The following MTCH2 variants were observed in gnomAD, a reference collection of about 807,000 sequenced individuals.
MTCH2 encodes the protein mitochondrial carrier homolog 2.
In MTCH2, 25 loss-of-function variants were observed where a neutral mutation model predicts 50.6. That is an observed-to-expected ratio of 0.49 (90% CI 0.36 to 0.69). MTCH2 has a LOEUF of 0.69. MTCH2 is among the 30% of genes least tolerant of loss of function. The pLI, the probability that MTCH2 is intolerant of heterozygous loss-of-function variation, is 0.00. For synonymous variants in MTCH2, 106 were observed against 132.0 expected (o/e 0.80, Z 1.35); for missense variants, 273 against 384.4 (o/e 0.71, Z 2.42).
chr11:47,611,889 A>G, the MTCH2 span, among the ~76,000 whole-genome samples: 1 of 152,026 alleles, frequency 6.6e-6, no homozygotes, highest in African/African-American at 2.4e-5. Flanking sequence ...AGTACAGAGG[A>G]CTCTACTTAG....
chr11:47,642,068 C>T (rs2097314695), intron 1 of MTCH2, among the ~76,000 whole-genome samples: 1 of 152,142 alleles, frequency 6.6e-6, no homozygotes, highest in Non-Finnish European at 1.5e-5. Context: ...TGGTGGCGAC[C>T]GGCCAGGATC....
chr11:47,611,466 A>T, the MTCH2 span, among the ~76,000 whole-genome samples: 13,150 of 152,304 alleles, frequency 0.086, 716 homozygotes, highest in Non-Finnish European at 0.12. Context: ...CTGGCTCTTC[A>T]TGCTACTCTG....
At position 47,631,710 on chromosome 11, in the gene MTCH2, G is replaced by T. The variant is rs1221780860; in HGVS notation, c.371C>A (p.Thr124Lys). ...SSSFDHVIKETTREMIARSAA... is the reference protein window; with the variant it reads ...SSSFDHVIKEKTREMIARSAA... ...AGAACGAGCGATCATCTCTCGAGTT[G>T]TCTAGAAACAATCAACACACACTTC... The change falls in exon 6 of 13, where the codon ACA becomes AAA. Residue 124 changes from threonine to lysine, a missense_variant and splice_region_variant. Physicochemically the swap from Thr to Lys is moderately conservative, Grantham distance 78. Around this residue, in one of 2 missense-constraint regions of MTCH2, gnomAD observed 203 missense variants for 244.3 expected, o/e 0.83. Coordinates refer to ENST00000302503, the MANE Select transcript of MTCH2 (RefSeq NM_014342.4). 6.2e-7 allele frequency: 1 copy of T among 1,614,060 alleles called. No individual in the cohort carries two copies. The highest frequency in any genetic ancestry group is 8.5e-7 in the Non-Finnish European group (1 of 1,179,958).
intron 5 of MTCH2, among the ~76,000 whole-genome samples, chr11:47,632,244 T>C (rs2097303735): frequency 6.6e-6 from 1 of 152,204 alleles, no homozygotes; most frequent in African/African-American, 2.4e-5. Flanking sequence ...TTTTTCCTAG[T>C]TTATCTTTCT....
chr11:47,616,979 C>G (rs886378878), downstream of MTCH2, among the ~76,000 whole-genome samples: 2 of 152,120 alleles, frequency 1.3e-5, no homozygotes, highest in African/African-American at 4.8e-5. Flanking sequence ...CCATTGCGCC[C>G]GGTCGCATGT....
downstream of MTCH2, among the ~76,000 whole-genome samples, chr11:47,616,586 CA>C (rs1004354775): frequency 6.6e-6 from 1 of 152,070 alleles, no homozygotes; most frequent in Admixed American, 6.6e-5. Flanking sequence ...CTCAGCCTCC[CA>C]AAGTGTTAGG....
At chr11:47,605,568 T>C in the MTCH2 span, among the ~76,000 whole-genome samples, 1 of 152,176 alleles carries the variant, frequency 6.6e-6, no homozygotes, top group African/African-American at 2.4e-5. Context: ...TTCTGCAAAT[T>C]TGGCAAGTGT....
rs1041127484 is a variant in MTCH2 at position 47,618,048 on chromosome 11, A to G, written c.*785T>C. ...GTTACTCCTGCAGGATCTGCTTTTC[A>G]TATTTTATGTGAAAACAAGAACTTC... On this transcript the variant is annotated 3_prime_UTR_variant, in exon 13 of 13. Coordinates refer to ENST00000302503, the MANE Select transcript of MTCH2 (RefSeq NM_014342.4). The G allele has an allele frequency of 6.6e-6, 1 of 152,252 alleles. No individual in the cohort carries two copies. The highest frequency in any genetic ancestry group is 2.4e-5 in the African/African-American group (1 of 41,472). 9.4% of individuals were successfully genotyped at this position (152,252 alleles called of 1,614,324 possible).
chr11:47,621,405 C>G (rs1295602418), intron 12 of MTCH2, among the ~76,000 whole-genome samples: 1 of 151,124 alleles, frequency 6.6e-6, no homozygotes, highest in Non-Finnish European at 1.5e-5. Flanking sequence ...TAAATTTAGC[C>G]CACAGCCAAT....
At chr11:47,622,675 TGA>T (rs767481724) in intron 12 of MTCH2, 24 bp downstream of exon 12, 22 of 1,480,692 alleles carry the variant, frequency 1.5e-5, no homozygotes, top group Middle Eastern at 1.8e-4. Context: ...CAAAATAAAA[TGA>T]GAGAGACAGA....
chr11:47,631,751 T>C lies in MTCH2; in HGVS notation c.370-40A>G, dbSNP rs762745340. 25 of 1,607,566 alleles carry C rather than the reference T, an allele frequency of 1.6e-5. No homozygotes were observed. In the South Asian group the frequency reaches 2.4e-4, roughly 16 times the overall value. On this transcript the variant is annotated intron_variant, in intron 5 of 12. Coordinates refer to ENST00000302503, the MANE Select transcript of MTCH2 (RefSeq NM_014342.4). ...CACACACTTCTGAAATCTAAACAAA[T>C]GACACTCAAATGCCTGTGAGAAGGA...
downstream of MTCH2, among the ~76,000 whole-genome samples, chr11:47,616,975 C>T (rs898584639): frequency 2.6e-5 from 4 of 152,172 alleles, no homozygotes; most frequent in African/African-American, 7.2e-5. Context: ...TGAGCCATTG[C>T]GCCCGGTCGC....
At chr11:47,606,583 A>G in the MTCH2 span, among the ~76,000 whole-genome samples, 1 of 152,178 alleles carries the variant, frequency 6.6e-6, no homozygotes, top group Non-Finnish European at 1.5e-5. Context: ...AGAGCTTCCT[A>G]TCCCTCTTGT....
chr11:47,642,305 C>T, intron 1 of MTCH2, 74 bp downstream of exon 1: 1 of 1,312,348 alleles, frequency 7.6e-7, no homozygotes, highest in Non-Finnish European at 1.0e-6. Flanking sequence ...AAGGCTGAGC[C>T]GATCCTCAGG....
rs573549876 is a variant in MTCH2 at position 47,617,685 on chromosome 11, A to G, written c.*1148T>C. ...TTTAGAGCATTTTAACCTGCTTTTT[A>G]GAAGGCCTGAGTAAACAGAAGCTTT... On this transcript the variant is annotated 3_prime_UTR_variant, in exon 13 of 13. Coordinates refer to ENST00000302503, the MANE Select transcript of MTCH2 (RefSeq NM_014342.4). 30 of 152,698 alleles carry G rather than the reference A, an allele frequency of 2.0e-4. No individual in the cohort carries two copies. Among genetic ancestry groups the G allele is most frequent in the Non-Finnish European group, 1.3e-4 (9 of 68,028 alleles). 9.5% of individuals were successfully genotyped at this position (152,698 alleles called of 1,614,324 possible).
intron 5 of MTCH2, among the ~76,000 whole-genome samples, chr11:47,632,693 G>A (rs1483539794): frequency 1.3e-5 from 2 of 151,074 alleles, no homozygotes; most frequent in Non-Finnish European, 3.0e-5. Context: ...TATGGTCACT[G>A]AGTTTTTTCT....
chr11:47,639,559 C>T (rs994288613), intron 1 of MTCH2, among the ~76,000 whole-genome samples: 2 of 152,140 alleles, frequency 1.3e-5, no homozygotes, highest in Non-Finnish European at 2.9e-5. Context: ...GGCTGTCGGT[C>T]GGGCGCAGTG....
intron 3 of MTCH2, among the ~76,000 whole-genome samples, chr11:47,636,574 A>T (rs2097308792): frequency 6.8e-6 from 1 of 146,802 alleles, no homozygotes; most frequent in African/African-American, 2.5e-5. Flanking sequence ...TCTACTAAAA[A>T]TACAAAAATT....
chr11:47,632,789 C>T (rs990325125), intron 5 of MTCH2, among the ~76,000 whole-genome samples: 1 of 152,046 alleles, frequency 6.6e-6, no homozygotes, highest in Non-Finnish European at 1.5e-5. Flanking sequence ...ACCTCCACCT[C>T]CCAGGTTCAA....
Sources: gnomAD v4.1 joint callset for allele counts (sites outside exome capture counted in the v4.1 genomes callset) on GRCh38, gnomAD v4.1.1 for gene constraint, gnomAD v4.1.1 regional missense constraint, MANE v1.5 for transcripts, NCBI Gene and HGNC (gene_info 2026-07-23, HGNC 2026-07-21) for gene names.